SLC12A2: variants seen among roughly 807,000 people sequenced by gnomAD.
SLC12A2 encodes the protein solute carrier family 12 member 2, also known as Na-K-2Cl cotransporter 1.
In SLC12A2, 67 loss-of-function variants were observed where a neutral mutation model predicts 136.3. The observed-to-expected ratio is 0.49, with a 90% CI of 0.40 to 0.60. The LOEUF is 0.60. Among genes scored for constraint, SLC12A2 ranks in the 20% least tolerant of loss-of-function variants. The pLI is 0.00. For synonymous variants in SLC12A2, 619 were observed against 562.9 expected (o/e 1.10, Z -1.41); for missense variants, 1,322 against 1,534.7 (o/e 0.86, Z 2.32).
intron 18 of SLC12A2, 102 bp from the exon 19 acceptor site, chr5:128,171,565 A>T (rs1763376296): frequency 8.1e-6 from 6 of 740,530 alleles, no homozygotes; most frequent in South Asian, 5.0e-5. Context: ...TTTAAAGCCG[A>T]AAGTAATTTT....
intron 1 of SLC12A2, among the ~76,000 whole-genome samples, chr5:128,088,359 G>C (rs1233680308): frequency 3.9e-5 from 6 of 152,264 alleles, no homozygotes; most frequent in South Asian, 2.1e-4. Context: ...TACACACACA[G>C]AGTGAAAAAT....
intron 9 of SLC12A2, among the ~76,000 whole-genome samples, chr5:128,141,368 TA>T (rs1762358743): frequency 1.3e-5 from 2 of 152,198 alleles, no homozygotes; most frequent in Non-Finnish European, 2.9e-5. Context: ...TATAATTCAT[TA>T]ACATTCAAAT....
chr5:128,176,663 C>T (rs1763551434), intron 20 of SLC12A2, among the ~76,000 whole-genome samples: 1 of 151,766 alleles, frequency 6.6e-6, no homozygotes, highest in African/African-American at 2.4e-5. Flanking sequence ...TTTTTACAAA[C>T]AACAAATATC....
At chr5:128,161,524 A>G (rs991846592) in intron 16 of SLC12A2, 136 bp from the exon 17 acceptor site, 6 of 447,026 alleles carry the variant, frequency 1.3e-5, no homozygotes, top group Middle Eastern at 6.3e-4. Flanking sequence ...CTACATGGAA[A>G]TAAAATGCTA....
rs1761999333 is a variant in SLC12A2 at position 128,130,968 on chromosome 5, G to C, written c.1049-99G>C. The C allele has an allele frequency of 3.7e-6, 4 of 1,073,470 alleles. No individual in the cohort carries two copies. In the East Asian group the frequency reaches 9.5e-5, roughly 25 times the overall value. 66.5% of individuals were successfully genotyped at this position (1,073,470 alleles called of 1,614,324 possible). A position where few individuals can be genotyped will look rare whatever the true frequency, so the allele number is the denominator to read the frequency against. On this transcript the variant is annotated intron_variant, in intron 4 of 26. Coordinates refer to ENST00000262461, the MANE Select transcript of SLC12A2 (RefSeq NM_001046.3). ...CTCTTTAACTGCTCTGCTTATTGGG[G>C]GCATCTGCTTTGTGAATTCATGTAT...
chr5:128,153,546 C>T (rs903056878), intron 15 of SLC12A2, among the ~76,000 whole-genome samples: 1 of 152,128 alleles, frequency 6.6e-6, no homozygotes, highest in African/African-American at 2.4e-5. Flanking sequence ...CAGAGCGAGA[C>T]TCCATCTCAA....
rs149767005 is a variant in SLC12A2, at chr5:128,118,686, C to A, written c.1048+4005C>A. On this transcript the variant is annotated intron_variant, in intron 4 of 26. Coordinates refer to ENST00000262461, the MANE Select transcript of SLC12A2 (RefSeq NM_001046.3). ...CAGAAATCACCATTAAAGAACTTAC[C>A]CATGTAACCAAAAACCACCTGTTCC... is the stretch of plus-strand genomic sequence containing the variant. 3.8e-4 allele frequency among the ~76,000 whole-genome samples: 58 copies of A among 152,136 alleles called. No homozygotes were observed. The East Asian group carries it at 0.01, about 27-fold the overall frequency.
At chr5:128,113,770 C>A (rs565645660) in intron 2 of SLC12A2, among the ~76,000 whole-genome samples, 1 of 151,974 alleles carries the variant, frequency 6.6e-6, no homozygotes. Flanking sequence ...GAACAATTGG[C>A]ATTTTGTATC....
intron 10 of SLC12A2, among the ~76,000 whole-genome samples, chr5:128,146,320 T>C (rs1762525277): frequency 6.6e-6 from 1 of 151,806 alleles, no homozygotes; most frequent in Admixed American, 6.6e-5. Flanking sequence ...ATGTCTTTTA[T>C]AGCTATTTTT....
intron 5 of SLC12A2, among the ~76,000 whole-genome samples, chr5:128,132,730 A>C (rs1249590587): frequency 1.3e-5 from 2 of 152,176 alleles, no homozygotes; most frequent in African/African-American, 4.8e-5. Context: ...ATTGACCTTT[A>C]CATGTTTACA....
Position 128,148,847 on chromosome 5 carries a change from T to G in SLC12A2, c.1975T>G (p.Phe659Val). ...NEPLRGYILT[F>V]LIALGFILIA... ...ACCTCTTCGTGGCTACATCTTAACA[T>G]TCTTAATTGCACTTGGATTCATCTT... is the stretch of plus-strand genomic sequence containing the variant. The change falls in exon 12 of 27, where the codon TTC becomes GTC. Residue 659 changes from phenylalanine (F) to valine (V), a missense_variant. Physicochemically the swap from Phe to Val is conservative, Grantham distance 50 (BLOSUM62 -1). Coordinates refer to ENST00000262461, the MANE Select transcript of SLC12A2 (RefSeq NM_001046.3). The G allele has an allele frequency of 6.2e-7, 1 of 1,603,228 alleles. No homozygotes were observed. The highest frequency in any genetic ancestry group is 8.5e-7 in the Non-Finnish European group (1 of 1,175,872).
Position 128,150,008 on chromosome 5 carries a change from G to A in SLC12A2, c.2017G>A (p.Val673Ile). 1.9e-6 allele frequency: 3 copies of A among 1,608,840 alleles called. No homozygotes were observed. Among genetic ancestry groups the A allele is most frequent in the Non-Finnish European group, 2.5e-6 (3 of 1,176,854 alleles). The change falls in exon 13 of 27, where the codon GTT becomes ATT. Residue 673 changes from valine to isoleucine, a missense_variant. Val to Ile is a conservative substitution (Grantham distance 29). Around this residue, in one of 8 missense-constraint regions of SLC12A2, gnomAD observed 294 missense variants for 436.6 expected, o/e 0.67. Coordinates refer to ENST00000262461, the MANE Select transcript of SLC12A2 (RefSeq NM_001046.3). ...LGFILIAELNVIAPIISNFFL... is the reference protein window; with the variant it reads ...LGFILIAELNIIAPIISNFFL... ...TGTTTGTTCTGCAGCTGAACTGAAT[G>A]TTATTGCACCAATTATCTCAAACTT...
Position 128,186,769 on chromosome 5 carries a change from A to G in SLC12A2, c.*138A>G. ...CGATTTCATTAATTTGAAAGCACAC[A>G]GGAAAGTTGCTCCATTGATAACGTG... On this transcript the variant is annotated 3_prime_UTR_variant, in exon 27 of 27. Transcript: ENST00000262461. The G allele has an allele frequency of 4.3e-6, 4 of 924,774 alleles. No individual in the cohort carries two copies. The highest frequency in any genetic ancestry group is 1.9e-5 in the South Asian group (1 of 53,526). The allele number at this position is 924,774 out of a possible 1,614,324, so 57.3% of individuals were successfully genotyped here.
chr5:128,179,676 A>C (rs1440711869), intron 22 of SLC12A2, among the ~76,000 whole-genome samples: 2 of 151,974 alleles, frequency 1.3e-5, no homozygotes, highest in Non-Finnish European at 2.9e-5. Context: ...ACACACTTTT[A>C]AATCACCCGG....
chr5:128,126,968 T>TATAA (rs1761831735), intron 4 of SLC12A2, among the ~76,000 whole-genome samples: 3 of 54,386 alleles, frequency 5.5e-5, no homozygotes. Context: ...ATATATATAT[T>TATAA]TTTTTTTTTT....
In SLC12A2 at chr5:128,188,068, A is replaced by T. The variant is rs1763921556; in HGVS notation, c.*1437A>T. 6.6e-6 allele frequency: 1 copy of T among 150,688 alleles called. No homozygotes were observed. The highest frequency in any genetic ancestry group is 6.7e-5 in the Admixed American group (1 of 15,028). 9.3% of individuals were successfully genotyped at this position (150,688 alleles called of 1,614,324 possible). On this transcript the variant is annotated 3_prime_UTR_variant, in exon 27 of 27. Coordinates refer to ENST00000262461, the MANE Select transcript of SLC12A2 (RefSeq NM_001046.3). ...TGGTATTTTGCATTTTAAAGTGATCAAGATTCATTAGGCAAACTTTGGTTT... is the reference window on the plus strand; with the variant it reads ...TGGTATTTTGCATTTTAAAGTGATCTAGATTCATTAGGCAAACTTTGGTTT...
chr5:128,084,106 G>C lies in SLC12A2; in HGVS notation c.152G>C (p.Arg51Pro), dbSNP rs947088303. ...SVPEDAAPASRDGGGVRDEGP... is the reference protein window; with the variant it reads ...SVPEDAAPASPDGGGVRDEGP... Reference sequence around the variant, plus strand: ...CCGGAGGATGCTGCGCCCGCGAGCCGGGACGGCGGCGGGGTCCGCGATGAG... The same window carrying C: ...CCGGAGGATGCTGCGCCCGCGAGCCCGGACGGCGGCGGGGTCCGCGATGAG... Residue 51 changes from arginine to proline, a missense_variant, in exon 1 of 27, where the codon CGG becomes CCG. By Grantham distance (103) the Arg-to-Pro change is moderately radical. Coordinates refer to ENST00000262461, the MANE Select transcript of SLC12A2 (RefSeq NM_001046.3). This position sits in a 1 kb window ranked among gnomAD's most constrained non-coding sequence, Gnocchi z 5.6. 3.0e-6 allele frequency: 4 copies of C among 1,312,770 alleles called. No individual in the cohort carries two copies. In the South Asian group the frequency reaches 8.8e-5, roughly 29 times the overall value. 81.3% of individuals were successfully genotyped at this position (1,312,770 alleles called of 1,614,324 possible).
chr5:128,137,783 T>C (rs1483021302), intron 7 of SLC12A2, among the ~76,000 whole-genome samples: 3 of 152,126 alleles, frequency 2.0e-5, no homozygotes, highest in African/African-American at 7.2e-5. Flanking sequence ...AGAAAGGAAC[T>C]TTACTTAGGG....
chr5:128,176,949 C>A (rs1763559857), intron 20 of SLC12A2, among the ~76,000 whole-genome samples, 156 bp from the exon 21 acceptor site: 1 of 152,034 alleles, frequency 6.6e-6, no homozygotes, highest in East Asian at 1.9e-4. Context: ...CTTCAACACT[C>A]AGTGCAGAAA....
Sources: gnomAD v4.1 joint callset for allele counts (sites outside exome capture counted in the v4.1 genomes callset) on GRCh38, gnomAD v4.1.1 for gene constraint, gnomAD v4.1.1 regional missense constraint, Gnocchi (gnomAD v3.1) non-coding constraint, MANE v1.5 for transcripts, NCBI Gene and HGNC (gene_info 2026-07-23, HGNC 2026-07-21) for gene names.